ABCD3: variants seen among roughly 807,000 people sequenced by gnomAD.
ABCD3 encodes the protein ATP-binding cassette sub-family D member 3.
ABCD3 carries 41 observed loss-of-function variants against 105.5 expected under a neutral mutation model. That is an observed-to-expected ratio of 0.39 (90% CI 0.30 to 0.50). The LOEUF (loss-of-function observed/expected upper bound fraction) is 0.50. ABCD3 is among the 20% of genes least tolerant of loss of function. ABCD3 has a pLI of 0.84. For missense variants in ABCD3, 622 were observed against 806.3 expected (o/e 0.77, Z 2.77); for synonymous variants, 258 against 269.0 (o/e 0.96, Z 0.40).
At chr1:94,496,694 G>GGTTTTTTTTTTTTTT in intron 16 of ABCD3, among the ~76,000 whole-genome samples, 1 of 39,368 alleles carries the variant, frequency 2.5e-5, no homozygotes, top group Non-Finnish European at 4.1e-5. Flanking sequence ...CCTTGTTTCT[G>GGTTTTTTTTTTTTTT]TTTTTTTTTT....
At chr1:94,430,615 C>G (rs1009970998) in intron 1 of ABCD3, among the ~76,000 whole-genome samples, 1 of 152,160 alleles carries the variant, frequency 6.6e-6, no homozygotes. Context: ...TCCTCCTTGC[C>G]TTGCACCATG....
At chr1:94,510,035 T>C in intron 21 of ABCD3, among the ~76,000 whole-genome samples, 1 of 152,172 alleles carries the variant, frequency 6.6e-6, no homozygotes, top group Non-Finnish European at 1.5e-5. Flanking sequence ...CTGCTAGCTT[T>C]TGAATGTGTT....
intron 13 of ABCD3, among the ~76,000 whole-genome samples, chr1:94,488,809 T>A (rs932323565): frequency 4.7e-5 from 5 of 106,396 alleles, no homozygotes; most frequent in African/African-American, 1.7e-4. Context: ...CTTTAGGGTG[T>A]TTCCTTTCAC....
chr1:94,481,123 G>A (rs1649011038), intron 9 of ABCD3, among the ~76,000 whole-genome samples: 1 of 152,120 alleles, frequency 6.6e-6, no homozygotes, highest in South Asian at 2.1e-4. Flanking sequence ...TGATTTTAGC[G>A]AATTATTCAT....
chr1:94,405,280 C>T, the ABCD3 span, among the ~76,000 whole-genome samples: 17 of 151,144 alleles, frequency 1.1e-4, no homozygotes, highest in African/African-American at 4.1e-4. Context: ...TTATTTTCTC[C>T]ATACCTTGCC....
At position 94,497,624 on chromosome 1, in the gene ABCD3, G is replaced by A. The variant is rs76085392; in HGVS notation, c.1387-978G>A. Among the ~76,000 whole-genome samples the A allele has an allele frequency of 7.2e-3, 1,103 of 152,278 alleles. 18 individuals are homozygous for A. The highest frequency in any genetic ancestry group is 0.025 in the African/African-American group (1,039 of 41,552). ...TTATGTTGTTGCAGAATAATTTAGT[G>A]ACACTTGTATATATTTATAGTGCAC... On this transcript the variant is annotated intron_variant, in intron 16 of 22. Coordinates refer to ENST00000370214, the MANE Select transcript of ABCD3 (RefSeq NM_002858.4).
rs192412586 is a variant in ABCD3, at chr1:94,494,269, T to C, written c.1386+3022T>C. Among the ~76,000 whole-genome samples, 645 of 152,298 alleles carry C rather than the reference T, an allele frequency of 4.2e-3. 1 individual carries two copies. Among genetic ancestry groups the C allele is most frequent in the Non-Finnish European group, 7.1e-3 (484 of 68,024 alleles). On this transcript the variant is annotated intron_variant, in intron 16 of 22. Coordinates refer to ENST00000370214, the MANE Select transcript of ABCD3 (RefSeq NM_002858.4). The stretch of plus-strand genomic sequence containing the variant: ...TTGGAAAGTCTTGAGTCCCCACTTA[T>C]GTCCTTACTTGTTGGAGTGTTTTAC...
At chr1:94,459,101 C>G (rs1647739985) in intron 2 of ABCD3, among the ~76,000 whole-genome samples, 2 of 151,224 alleles carry the variant, frequency 1.3e-5, no homozygotes, top group African/African-American at 4.9e-5. Flanking sequence ...GGCTGGAGTG[C>G]AGTGGCATGA....
intron 1 of ABCD3, among the ~76,000 whole-genome samples, chr1:94,420,492 G>A: frequency 6.6e-6 from 1 of 152,062 alleles, no homozygotes; most frequent in East Asian, 1.9e-4. Flanking sequence ...AAATTCTTTA[G>A]CAGGAGATGT....
the ABCD3 span, among the ~76,000 whole-genome samples, chr1:94,402,812 T>C: frequency 6.6e-6 from 1 of 152,170 alleles, no homozygotes; most frequent in South Asian, 2.1e-4. Context: ...TTTTTTCTTT[T>C]ATTACTATAC....
Position 94,432,151 on chromosome 1 carries a change from A to G in ABCD3, c.110+13563A>G, listed in dbSNP as rs71652564. Among the ~76,000 whole-genome samples, 826 of 152,340 alleles carry G rather than the reference A, an allele frequency of 5.4e-3. 6 individuals carry two copies. The highest frequency in any genetic ancestry group is 0.017 in the South Asian group (80 of 4,830). ...TATCCAGTACGTTCTGTTGAGCGCTATATGTCAATAGGCTAGGCTTTGAGA... is the reference window on the plus strand; with the variant it reads ...TATCCAGTACGTTCTGTTGAGCGCTGTATGTCAATAGGCTAGGCTTTGAGA... On this transcript the variant is annotated intron_variant, in intron 1 of 22. Coordinates refer to ENST00000370214, the MANE Select transcript of ABCD3 (RefSeq NM_002858.4).
the ABCD3 span, among the ~76,000 whole-genome samples, chr1:94,411,854 T>G: frequency 6.6e-6 from 1 of 152,176 alleles, no homozygotes; most frequent in African/African-American, 2.4e-5. Flanking sequence ...CAACATAGAT[T>G]AACCTCGGAA....
chr1:94,500,094 A>C (rs1650017103), intron 20 of ABCD3, among the ~76,000 whole-genome samples: 1 of 152,104 alleles, frequency 6.6e-6, no homozygotes, highest in Admixed American at 6.6e-5. Context: ...TTTTTGTTTC[A>C]AGGTTCAGTA....
rs1651015673 is a variant in ABCD3 at position 94,518,217 on chromosome 1, A to C, written c.*1088A>C. On this transcript the variant is annotated 3_prime_UTR_variant, in exon 23 of 23. Transcript: ENST00000370214. Reference sequence around the variant, plus strand: ...TCCTAAGCGAAGATGATTTCAGTTCATCAAATCATCATTAATGACTTTATG... The same window carrying C: ...TCCTAAGCGAAGATGATTTCAGTTCCTCAAATCATCATTAATGACTTTATG... 1 of 152,346 alleles carries C rather than the reference A, an allele frequency of 6.6e-6. No homozygotes were observed. The highest frequency in any genetic ancestry group is 1.5e-5 in the Non-Finnish European group (1 of 67,860). 9.4% of individuals were successfully genotyped at this position (152,346 alleles called of 1,614,324 possible). A position where few individuals can be genotyped will look rare whatever the true frequency, so the allele number is the denominator to read the frequency against.
intron 1 of ABCD3, among the ~76,000 whole-genome samples, chr1:94,421,188 G>C (rs769846736): frequency 1.9e-4 from 29 of 151,928 alleles, no homozygotes; most frequent in Non-Finnish European, 3.7e-4. Flanking sequence ...CTATATTCTT[G>C]TTTCATCTAT....
At position 94,473,934 on chromosome 1, in the gene ABCD3, T is replaced by A. The variant is rs188875523; in HGVS notation, c.405+99T>A. The A allele has an allele frequency of 5.4e-3, 4,714 of 873,104 alleles. 17 individuals are homozygous for A. Among genetic ancestry groups the A allele is most frequent in the Non-Finnish European group, 7.1e-3 (3,875 of 547,942 alleles). 54.1% of individuals were successfully genotyped at this position (873,104 alleles called of 1,614,324 possible). A position where few individuals can be genotyped will look rare whatever the true frequency, so the allele number is the denominator to read the frequency against. On this transcript the variant is annotated intron_variant, in intron 5 of 22. Transcript: ENST00000370214. ...TATTAAATTCTTTAAAGACTTATGA[T>A]ACTAAGTTCCTATTTTCAGTTTAGT...
chr1:94,462,882 T>A (rs1267448807), intron 2 of ABCD3, among the ~76,000 whole-genome samples: 5 of 152,190 alleles, frequency 3.3e-5, no homozygotes, highest in Non-Finnish European at 5.9e-5. Context: ...CTTCTTTTTT[T>A]AAAAAGGTAG....
intron 2 of ABCD3, among the ~76,000 whole-genome samples, chr1:94,459,330 C>T (rs1387267481): frequency 1.3e-5 from 2 of 152,058 alleles, no homozygotes; most frequent in African/African-American, 4.8e-5. Flanking sequence ...GGTTCTGATC[C>T]TTTTTCAGTT....
At chr1:94,446,371 C>T (rs550444273) in intron 1 of ABCD3, among the ~76,000 whole-genome samples, 36 of 152,226 alleles carry the variant, frequency 2.4e-4, no homozygotes, top group Admixed American at 3.3e-4. Flanking sequence ...CCCTTGCCAG[C>T]GGGGACAATA....
Sources: gnomAD v4.1 joint callset for allele counts (sites outside exome capture counted in the v4.1 genomes callset) on GRCh38, gnomAD v4.1.1 for gene constraint, MANE v1.5 for transcripts, NCBI Gene and HGNC (gene_info 2026-07-23, HGNC 2026-07-21) for gene names.